GPR158: variants seen among roughly 807,000 people sequenced by gnomAD.
GPR158 encodes the protein G protein-coupled receptor 158.
In GPR158, 30 loss-of-function variants were observed where a neutral mutation model predicts 78.2. The observed-to-expected ratio is 0.38, with a 90% CI of 0.29 to 0.52. The LOEUF (loss-of-function observed/expected upper bound fraction) is 0.52. Ranked by LOEUF, GPR158 falls within the 20% of genes least tolerant of loss-of-function variation. GPR158 has a pLI of 0.83. For synonymous variants in GPR158, 581 were observed against 591.1 expected, an observed-to-expected ratio of 0.98 and a Z score of 0.25; for missense variants, 1,463 against 1,523.5, an observed-to-expected ratio of 0.96 and a Z score of 0.66.
At chr10:25,581,085 C>CA in intron 7 of GPR158, among the ~76,000 whole-genome samples, 2 of 150,832 alleles carry the variant, frequency 1.3e-5, no homozygotes, top group South Asian at 4.2e-4. Flanking sequence ...CCACCGCGCC[C>CA]GGCTAATTTT....
At chr10:25,377,685 TTA>T (rs1225931414) in intron 2 of GPR158, among the ~76,000 whole-genome samples, 7 of 152,096 alleles carry the variant, frequency 4.6e-5, no homozygotes, top group Non-Finnish European at 8.8e-5. Context: ...TGAGATTTAT[TTA>T]TGTTTAGCAT....
rs551226367 is a variant in GPR158 at position 25,175,920 on chromosome 10, G to A, written c.500G>A (p.Gly167Asp). The A allele has an allele frequency of 2.5e-6, 4 of 1,613,706 alleles. No individual in the cohort carries two copies. In the East Asian group the frequency reaches 8.9e-5, roughly 36 times the overall value. ...YQALVWSLLE[G>D]EPSISRAAIT... ...GCGCTGGTGTGGAGCCTTCTGGAGG[G>A]CGAGCCCAGCATCTCCCGGGCGGCC... Residue 167 changes from glycine to aspartate, a missense_variant, in exon 1 of 11, where the codon GGC becomes GAC. By Grantham distance (94) the Gly-to-Asp change is moderately conservative. Transcript: ENST00000376351. This position sits in a 1 kb window ranked among gnomAD's most constrained non-coding sequence, Gnocchi z 6.4.
intron 6 of GPR158, among the ~76,000 whole-genome samples, chr10:25,566,694 A>G (rs1836933698): frequency 6.6e-6 from 1 of 152,250 alleles, no homozygotes; most frequent in Non-Finnish European, 1.5e-5. Context: ...TATACTCACA[A>G]TAAACTTGTA....
chr10:25,262,575 T>A (rs1161008206), intron 2 of GPR158, among the ~76,000 whole-genome samples: 2 of 152,186 alleles, frequency 1.3e-5, no homozygotes, highest in African/African-American at 4.8e-5. Flanking sequence ...TAAACATTTT[T>A]AAGAGCAATT....
At chr10:25,304,612 G>GAA (rs1564416427) in intron 2 of GPR158, among the ~76,000 whole-genome samples, 2 of 151,748 alleles carry the variant, frequency 1.3e-5, no homozygotes, top group African/African-American at 4.8e-5. Context: ...TATAGAGAGA[G>GAA]ATTTATGCTG....
At chr10:25,352,052 C>T (rs1459442267) in intron 2 of GPR158, among the ~76,000 whole-genome samples, 1 of 151,884 alleles carries the variant, frequency 6.6e-6, no homozygotes, top group Non-Finnish European at 1.5e-5. Flanking sequence ...TACTTTATCC[C>T]CTCCCAGTTC....
chr10:25,599,338 A>G lies in GPR158; in HGVS notation c.*64A>G. The G allele has an allele frequency of 8.4e-7, 1 of 1,188,770 alleles. No homozygotes were observed. The highest frequency in any genetic ancestry group is 1.4e-5 in the South Asian group (1 of 69,722). The allele number at this position is 1,188,770 out of a possible 1,614,324, so 73.6% of individuals were successfully genotyped here. A position where few individuals can be genotyped will look rare whatever the true frequency, so the allele number is the denominator to read the frequency against. On this transcript the variant is annotated 3_prime_UTR_variant, in exon 11 of 11. Transcript: ENST00000376351. ...TTGGATATGAGACAGAAGATATAAG[A>G]ATCAAATATTCCCAAGGAGGATTTG...
At chr10:25,313,431 G>A (rs1339367833) in intron 2 of GPR158, among the ~76,000 whole-genome samples, 1 of 151,802 alleles carries the variant, frequency 6.6e-6, no homozygotes, top group African/African-American at 2.4e-5. Context: ...AAAACACTTG[G>A]GAGTACTTAA....
chr10:25,295,575 G>A (rs1317275841), intron 2 of GPR158, among the ~76,000 whole-genome samples: 1 of 151,970 alleles, frequency 6.6e-6, no homozygotes, highest in Non-Finnish European at 1.5e-5. Flanking sequence ...CACTACGCCC[G>A]GCTAATTTTT....
chr10:25,471,376 C>T (rs533773463), intron 5 of GPR158, among the ~76,000 whole-genome samples: 35 of 152,146 alleles, frequency 2.3e-4, no homozygotes, highest in African/African-American at 2.4e-4. Context: ...ATATTTGGGT[C>T]GGTTCCAAGT....
chr10:25,241,331 C>CTTTTCTCTTCTCTT (rs768716686), intron 2 of GPR158, among the ~76,000 whole-genome samples: 1 of 123,850 alleles, frequency 8.1e-6, no homozygotes, highest in African/African-American at 3.7e-5. Context: ...CTTCTCTTCT[C>CTTTTCTCTTCTCTT]TTCTCTTTTC....
At chr10:25,476,723 A>C (rs780327432) in intron 5 of GPR158, among the ~76,000 whole-genome samples, 1 of 152,084 alleles carries the variant, frequency 6.6e-6, no homozygotes, top group Non-Finnish European at 1.5e-5. Flanking sequence ...TTTTCCTTGC[A>C]TGGCAGTACT....
intron 3 of GPR158, among the ~76,000 whole-genome samples, chr10:25,396,907 C>T (rs1396132414): frequency 6.6e-6 from 1 of 152,156 alleles, no homozygotes. Flanking sequence ...CATTTGTAGG[C>T]CTGAGGCCCT....
At chr10:25,381,422 G>A (rs1834153996) in intron 2 of GPR158, among the ~76,000 whole-genome samples, 1 of 152,092 alleles carries the variant, frequency 6.6e-6, no homozygotes, top group African/African-American at 2.4e-5. Context: ...TTGAGAGACA[G>A]TTTAATTTTA....
rs539593328 is a variant in GPR158 at position 25,406,448 on chromosome 10, A to G, written c.1112-5802A>G. Among the ~76,000 whole-genome samples, 9 of 152,186 alleles carry G rather than the reference A, an allele frequency of 5.9e-5. No individual in the cohort carries two copies. The South Asian group carries it at 1.9e-3, about 32-fold the overall frequency. ...GTCTTACTATATCTGATCTCCTTCT[A>G]TCACTCTACCTTTGGTCAACCTGAA... On this transcript the variant is annotated intron_variant, in intron 3 of 10. Transcript: ENST00000376351.
At chr10:25,439,921 G>A (rs938315181) in intron 4 of GPR158, among the ~76,000 whole-genome samples, 1 of 152,210 alleles carries the variant, frequency 6.6e-6, no homozygotes, top group Non-Finnish European at 1.5e-5. Flanking sequence ...CAACCACAGC[G>A]AGGAGCTGCA....
intron 5 of GPR158, among the ~76,000 whole-genome samples, chr10:25,521,867 G>A (rs114519228): frequency 0.017 from 2,615 of 152,260 alleles, 65 homozygotes; most frequent in African/African-American, 0.06. Flanking sequence ...CTGCCAAAAG[G>A]TATTGAAGGA....
intron 3 of GPR158, among the ~76,000 whole-genome samples, chr10:25,399,188 G>T (rs1256702371): frequency 6.6e-6 from 1 of 152,120 alleles, no homozygotes; most frequent in Non-Finnish European, 1.5e-5. Flanking sequence ...AAAACCATCA[G>T]ATGTCATGAG....
intron 1 of GPR158, among the ~76,000 whole-genome samples, chr10:25,216,810 G>A (rs762198577): frequency 2.0e-5 from 3 of 152,096 alleles, no homozygotes; most frequent in Non-Finnish European, 4.4e-5. Context: ...GTATAAAGAC[G>A]TCTGTGAAAG....
Sources: allele counts gnomAD v4.1 joint callset (sites outside exome capture counted in the v4.1 genomes callset), GRCh38; gene constraint gnomAD v4.1.1; non-coding constraint Gnocchi (gnomAD v3.1); transcripts MANE v1.5; gene names NCBI Gene and HGNC (gene_info 2026-07-23, HGNC 2026-07-21).